Variants in GCNT2 observed in about 807,000 individuals in gnomAD.
GCNT2 encodes the protein N-acetyllactosaminide beta-1,6-N-acetylglucosaminyl-transferase.
In GCNT2, 34 loss-of-function variants were observed where a neutral mutation model predicts 34.2. The observed-to-expected ratio is 1.00, with a 90% confidence interval of 0.76 to 1.32. The LOEUF is 1.32. Among genes scored for constraint, GCNT2 ranks in the 40% most tolerant of loss-of-function variants. The pLI, the probability that GCNT2 is intolerant of heterozygous loss-of-function variation, is 0.00. For missense variants in GCNT2, 584 were observed against 489.4 expected (o/e 1.19, Z -1.82); for synonymous variants, 212 against 188.0 (o/e 1.13, Z -1.04).
intron 3 of GCNT2, among the ~76,000 whole-genome samples, chr6:10,582,844 A>G (rs992029216): frequency 1.4e-4 from 22 of 152,084 alleles, no homozygotes; most frequent in Admixed American, 1.4e-3. Context: ...CTTATGGAAC[A>G]TCTACCAGGT....
chr6:10,569,801 T>C (rs943327693), intron 3 of GCNT2, among the ~76,000 whole-genome samples: 6 of 152,158 alleles, frequency 3.9e-5, no homozygotes, highest in Non-Finnish European at 8.8e-5. Context: ...GTCTTTCTCT[T>C]ACCCTCTGAG....
intron 3 of GCNT2, chr6:10,555,923 A>G: frequency 4.0e-6 from 4 of 1,007,256 alleles, no homozygotes; most frequent in Non-Finnish European, 4.7e-6. Flanking sequence ...ACGAACAACA[A>G]GAGAGGGCAA....
At chr6:10,563,126 G>T (rs1763082925) in intron 3 of GCNT2, among the ~76,000 whole-genome samples, 1 of 152,136 alleles carries the variant, frequency 6.6e-6, no homozygotes, top group African/African-American at 2.4e-5. Flanking sequence ...CTGAACTCCA[G>T]CCTGGGCAAC....
At chr6:10,577,949 C>CCCA (rs957557619) in intron 3 of GCNT2, among the ~76,000 whole-genome samples, 1 of 152,154 alleles carries the variant, frequency 6.6e-6, no homozygotes, top group Non-Finnish European at 1.5e-5. Flanking sequence ...CTTGATTTAA[C>CCCA]CCACCACCAC....
At chr6:10,534,138 G>A (rs1261919113) in intron 3 of GCNT2, among the ~76,000 whole-genome samples, 1 of 72,020 alleles carries the variant, frequency 1.4e-5, no homozygotes, top group South Asian at 7.9e-4. Context: ...ATTCCATGCT[G>A]CTCTTTTTTT....
At chr6:10,590,361 G>T (rs1483088460) in intron 3 of GCNT2, among the ~76,000 whole-genome samples, 1 of 149,694 alleles carries the variant, frequency 6.7e-6, no homozygotes, top group Non-Finnish European at 1.5e-5. Context: ...CTGCACCACT[G>T]CACTCCAGCC....
chr6:10,585,953 G>A, intron 3 of GCNT2: 1 of 1,611,402 alleles, frequency 6.2e-7, no homozygotes, highest in Non-Finnish European at 8.5e-7. Flanking sequence ...CTCATTCCCT[G>A]AAAAGAAGAG....
chr6:10,620,999 A>G (rs1185718879), intron 3 of GCNT2, among the ~76,000 whole-genome samples: 2 of 152,214 alleles, frequency 1.3e-5, no homozygotes, highest in Admixed American at 1.3e-4. Context: ...CAAACTGTCA[A>G]TCGCGCTGAA....
chr6:10,547,176 A>G lies in GCNT2; in HGVS notation c.925+17340A>G, dbSNP rs546955713. 9.2e-5 allele frequency among the ~76,000 whole-genome samples: 14 copies of G among 152,292 alleles called. 1 individual carries two copies. The South Asian group carries it at 2.3e-3, about 25-fold the overall frequency. ...CATATCTGCTCTCTCTCTTATTCAT[A>G]TATTTTTCTTAAACTATTTGCAAGT... On this transcript the variant is annotated intron_variant, in intron 3 of 4. Transcript: ENST00000495262.
chr6:10,524,842 A>AAAAAGAAAAGGAAAGAAAG (rs1211854189), intron 1 of GCNT2, among the ~76,000 whole-genome samples: 60 of 139,484 alleles, frequency 4.3e-4, no homozygotes, highest in African/African-American at 1.4e-3. Flanking sequence ...ACCCCCCAAA[A>AAAAAGAAAAGGAAAGAAAG]AAAAGAAAAG....
At chr6:10,571,174 G>T (rs973379721) in intron 3 of GCNT2, among the ~76,000 whole-genome samples, 1 of 152,018 alleles carries the variant, frequency 6.6e-6, no homozygotes, top group Non-Finnish European at 1.5e-5. Context: ...TAGCCTCACT[G>T]CCTATTTCTT....
intron 3 of GCNT2, among the ~76,000 whole-genome samples, chr6:10,614,766 C>T (rs978033810): frequency 6.6e-6 from 1 of 152,120 alleles, no homozygotes; most frequent in Non-Finnish European, 1.5e-5. Flanking sequence ...CTGATCCTCA[C>T]AAAACCTAAA....
At chr6:10,569,466 C>CA (rs1486567359) in intron 3 of GCNT2, among the ~76,000 whole-genome samples, 1 of 152,080 alleles carries the variant, frequency 6.6e-6, no homozygotes, top group Non-Finnish European at 1.5e-5. Flanking sequence ...GGATTATAAG[C>CA]ATGAGCCACT....
chr6:10,625,339 C>T (rs1286435011), intron 4 of GCNT2, among the ~76,000 whole-genome samples: 1 of 152,156 alleles, frequency 6.6e-6, no homozygotes, highest in African/African-American at 2.4e-5. Context: ...ACTGTCCATA[C>T]TTGTGAGACA....
At chr6:10,534,139 C>CTTTT (rs1491129469) in intron 3 of GCNT2, among the ~76,000 whole-genome samples, 2,522 of 122,936 alleles carry the variant, frequency 0.021, 477 homozygotes, top group African/African-American at 0.036. Context: ...TTCCATGCTG[C>CTTTT]TCTTTTTTTT....
At chr6:10,595,266 C>A (rs9466898) in intron 3 of GCNT2, among the ~76,000 whole-genome samples, 16,704 of 151,464 alleles carry the variant, frequency 0.11, 1,100 homozygotes, top group Middle Eastern at 0.17. Flanking sequence ...AATTGTGTTG[C>A]TTTATTTTCT....
intron 3 of GCNT2, among the ~76,000 whole-genome samples, chr6:10,598,110 C>T (rs549868599): frequency 7.8e-4 from 118 of 152,120 alleles, no homozygotes; most frequent in Admixed American, 1.3e-3. Context: ...AGGTCATCTC[C>T]GAAGAGATTC....
chr6:10,593,791 T>C (rs1764741711), intron 3 of GCNT2, among the ~76,000 whole-genome samples: 1 of 152,204 alleles, frequency 6.6e-6, no homozygotes, highest in South Asian at 2.1e-4. Flanking sequence ...AATTATCTCT[T>C]GAAAATACAT....
intron 3 of GCNT2, among the ~76,000 whole-genome samples, chr6:10,612,779 C>T (rs1765615249): frequency 1.3e-5 from 2 of 152,096 alleles, no homozygotes; most frequent in Admixed American, 6.6e-5. Context: ...CTTGTCTCTC[C>T]GACTTCAAAG....
Sources: gnomAD v4.1 joint callset for allele counts (sites outside exome capture counted in the v4.1 genomes callset) on GRCh38, gnomAD v4.1.1 for gene constraint, MANE v1.5 for transcripts, NCBI Gene and HGNC (gene_info 2026-07-23, HGNC 2026-07-21) for gene names.